Variants in SORCS1 observed in about 807,000 individuals in gnomAD.
The protein encoded by SORCS1 is VPS10 domain-containing receptor SorCS1.
Under a neutral mutation model 146.1 loss-of-function variants are expected in SORCS1, and 60 were observed. The observed-to-expected ratio is 0.41, with a 90% CI of 0.33 to 0.51. The LOEUF (loss-of-function observed/expected upper bound fraction) is 0.51. Among genes scored for constraint, SORCS1 ranks in the 20% least tolerant of loss-of-function variants. SORCS1 has a pLI of 0.21. For synonymous variants in SORCS1, 637 were observed against 584.0 expected, an observed-to-expected ratio of 1.09 and a Z score of -1.31; for missense variants, 1,352 against 1,487.6, an observed-to-expected ratio of 0.91 and a Z score of 1.50.
intron 1 of SORCS1, among the ~76,000 whole-genome samples, chr10:107,044,983 A>C (rs983393480): frequency 6.6e-6 from 1 of 152,154 alleles, no homozygotes; most frequent in African/African-American, 2.4e-5. Flanking sequence ...TATGAAACTG[A>C]TAGTGCCCTG....
At chr10:106,783,436 G>A (rs905573047) in intron 3 of SORCS1, among the ~76,000 whole-genome samples, 8 of 152,190 alleles carry the variant, frequency 5.3e-5, no homozygotes, top group Middle Eastern at 3.4e-3. Flanking sequence ...CAAATATTGC[G>A]TTTACCTCAC....
rs1180716660 is a variant in SORCS1, at chr10:106,830,590, T to A, written c.627-917A>T. Among the ~76,000 whole-genome samples the A allele has an allele frequency of 4.1e-3, 610 of 148,990 alleles. 3 individuals are homozygous for A. The highest frequency in any genetic ancestry group is 0.013 in the African/African-American group (532 of 39,592). ...TTTTTTTTTTTTCCTTTTTTTTTTTTTTAAAAAAATTTAAAGAATATAGGG... is the reference window on the plus strand; with the variant it reads ...TTTTTTTTTTTTCCTTTTTTTTTTTATTAAAAAAATTTAAAGAATATAGGG... On this transcript the variant is annotated intron_variant, in intron 2 of 25. Coordinates refer to ENST00000263054, the MANE Select transcript of SORCS1 (RefSeq NM_052918.5).
intron 2 of SORCS1, among the ~76,000 whole-genome samples, chr10:106,922,577 CAG>C (rs1952765319): frequency 6.6e-6 from 1 of 152,100 alleles, no homozygotes; most frequent in African/African-American, 2.4e-5. Flanking sequence ...AGTGAAAGTA[CAG>C]AGAGTTCCCA....
chr10:106,924,254 CA>C (rs750347755), intron 2 of SORCS1, among the ~76,000 whole-genome samples: 7,795 of 68,096 alleles, frequency 0.11, 566 homozygotes, highest in African/African-American at 0.24. Context: ...AACTCCATCT[CA>C]AAAAAAAAAA....
chr10:107,081,476 A>G (rs1261135981), intron 1 of SORCS1, among the ~76,000 whole-genome samples: 1 of 151,958 alleles, frequency 6.6e-6, no homozygotes, highest in Non-Finnish European at 1.5e-5. Context: ...GTTCTCAACT[A>G]CTCCTCAAAT....
chr10:106,721,251 A>G (rs937079294), intron 6 of SORCS1, among the ~76,000 whole-genome samples: 7 of 152,196 alleles, frequency 4.6e-5, no homozygotes, highest in East Asian at 3.9e-4. Flanking sequence ...TCCAAGGTCT[A>G]CCTTGGAAGT....
Position 106,764,559 on chromosome 10 carries a change from G to A in SORCS1, c.886-2898C>T, listed in dbSNP as rs56107665. ...AGGTTTCTTTTGACTGTCAGAACAC[G>A]GAACTGAGAACTATCATTACTATCT... On this transcript the variant is annotated intron_variant, in intron 4 of 25. Transcript: ENST00000263054. Among the ~76,000 whole-genome samples the A allele has an allele frequency of 6.1e-3, 935 of 152,226 alleles. 7 individuals carry two copies. The highest frequency in any genetic ancestry group is 0.021 in the Middle Eastern group (6 of 292).
At chr10:106,829,432 A>G (rs1948443972) in intron 3 of SORCS1, 142 bp downstream of exon 3, 1 of 574,522 alleles carries the variant, frequency 1.7e-6, no homozygotes, top group Non-Finnish European at 3.2e-6. Context: ...CAGACATTTT[A>G]CAATCTTAAC....
intron 1 of SORCS1, among the ~76,000 whole-genome samples, chr10:107,000,850 C>A (rs1018980292): frequency 6.6e-6 from 1 of 151,782 alleles, no homozygotes; most frequent in Non-Finnish European, 1.5e-5. Flanking sequence ...AGGGGCAATG[C>A]CAGTTTAGGG....
intron 24 of SORCS1, among the ~76,000 whole-genome samples, chr10:106,590,987 G>T (rs948910361): frequency 6.6e-5 from 10 of 152,166 alleles, no homozygotes; most frequent in African/African-American, 2.4e-4. Flanking sequence ...GATACAGAAG[G>T]CTAGGGCAAA....
chr10:107,084,016 A>G (rs894968446), intron 1 of SORCS1, among the ~76,000 whole-genome samples: 1 of 152,004 alleles, frequency 6.6e-6, no homozygotes, highest in African/African-American at 2.4e-5. Flanking sequence ...TTCACCTAAA[A>G]CTATACAGAA....
chr10:107,105,612 C>A (rs72812995), intron 1 of SORCS1, among the ~76,000 whole-genome samples: 1 of 152,016 alleles, frequency 6.6e-6, no homozygotes. Context: ...GCAGGATGCA[C>A]CCAGCATGGG....
chr10:107,076,374 T>G (rs1384301919), intron 1 of SORCS1, among the ~76,000 whole-genome samples: 1 of 150,858 alleles, frequency 6.6e-6, no homozygotes, highest in Non-Finnish European at 1.5e-5. Flanking sequence ...CTTTGGAAGC[T>G]TTTTTAATAT....
intron 3 of SORCS1, among the ~76,000 whole-genome samples, chr10:106,812,434 AT>A (rs1947513026): frequency 6.6e-6 from 1 of 152,116 alleles, no homozygotes; most frequent in Admixed American, 6.5e-5. Flanking sequence ...TTGCTGTTCT[AT>A]TTCTTCTTTA....
intron 18 of SORCS1, among the ~76,000 whole-genome samples, chr10:106,645,844 T>C (rs1589554145): frequency 6.6e-6 from 1 of 152,198 alleles, no homozygotes; most frequent in East Asian, 1.9e-4. Flanking sequence ...CTTAATTTAA[T>C]AATAATAGCT....
intron 18 of SORCS1, among the ~76,000 whole-genome samples, chr10:106,635,506 T>C (rs996372933): frequency 6.6e-6 from 1 of 152,078 alleles, no homozygotes; most frequent in African/African-American, 2.4e-5. Context: ...AGACTGTTAA[T>C]ATTGATTACC....
At chr10:107,175,638 G>A in the SORCS1 span, among the ~76,000 whole-genome samples, 1 of 152,038 alleles carries the variant, frequency 6.6e-6, no homozygotes, top group Non-Finnish European at 1.5e-5. Context: ...GTTTCACCAT[G>A]TGACCCAGGC....
chr10:106,801,777 T>G lies in SORCS1; in HGVS notation c.727-25085A>C, dbSNP rs552236995. Among the ~76,000 whole-genome samples, 6 of 152,174 alleles carry G rather than the reference T, an allele frequency of 3.9e-5. No homozygotes were observed. The East Asian group carries it at 5.8e-4, about 15-fold the overall frequency. The stretch of plus-strand genomic sequence containing the variant: ...GATCTCCTGACCTTGTGATCTGCCC[T>G]CCTTGGCCTCCCAAAGTGCTGGGAT... On this transcript the variant is annotated intron_variant, in intron 3 of 25. Transcript: ENST00000263054.
intron 1 of SORCS1, among the ~76,000 whole-genome samples, chr10:107,148,589 A>G (rs1968524258): frequency 6.6e-6 from 1 of 152,260 alleles, no homozygotes; most frequent in Admixed American, 6.5e-5. Flanking sequence ...CCTACCTGCA[A>G]CAAAAGATAA....
Sources: allele counts gnomAD v4.1 joint callset (sites outside exome capture counted in the v4.1 genomes callset), GRCh38; gene constraint gnomAD v4.1.1; transcripts MANE v1.5; gene names NCBI Gene and HGNC (gene_info 2026-07-23, HGNC 2026-07-21).